TIAM1: variants seen among roughly 807,000 people sequenced by gnomAD.
The protein encoded by TIAM1 is rho guanine nucleotide exchange factor TIAM1.
TIAM1 carries 65 observed loss-of-function variants against 163.5 expected under a neutral mutation model. That is an observed-to-expected ratio of 0.40 (90% CI 0.33 to 0.49). TIAM1 has a LOEUF of 0.49. Ranked by LOEUF, TIAM1 falls within the 20% of genes least tolerant of loss-of-function variation. TIAM1 has a pLI of 0.77. For synonymous variants in TIAM1, 833 were observed against 810.1 expected, an observed-to-expected ratio of 1.03 and a Z score of -0.48; for missense variants, 1,789 against 2,044.7, an observed-to-expected ratio of 0.87 and a Z score of 2.41.
In TIAM1 at chr21:31,225,851, G is replaced by C; in HGVS notation, c.1684C>G (p.Leu562Val). ...AGTTTTTTGATCTCTGATTTCAGGA[G>C]TCGGAGCGTGTCTTCCTTGTGGTGG... ...RHHHKEDTLR[L>V]LKSEIKKLEQ... Residue 562 changes from leucine (L) to valine (V), a missense_variant, in exon 7 of 28, where the codon CTC becomes GTC. This residue lies in a region of TIAM1 where 456 missense variants were observed against 586.6 expected (regional missense o/e 0.78). Coordinates refer to ENST00000541036, the MANE Select transcript of TIAM1 (RefSeq NM_001353694.2). 1 of 1,614,192 alleles carries C rather than the reference G, an allele frequency of 6.2e-7. No homozygotes were observed. Among genetic ancestry groups the C allele is most frequent in the Non-Finnish European group, 8.5e-7 (1 of 1,180,046 alleles).
intron 1 of TIAM1, among the ~76,000 whole-genome samples, chr21:31,466,846 C>A (rs2045551983): frequency 6.6e-6 from 1 of 152,034 alleles, no homozygotes; most frequent in African/African-American, 2.4e-5. Context: ...TACCTTTGCA[C>A]ATAATGCCAT....
At chr21:31,435,401 T>A (rs560994109) in intron 2 of TIAM1, among the ~76,000 whole-genome samples, 2 of 152,236 alleles carry the variant, frequency 1.3e-5, no homozygotes, top group Non-Finnish European at 2.9e-5. Flanking sequence ...TGTCAATTGT[T>A]GTAAACAAGA....
chr21:31,558,604 G>A (rs1432386159), intron 1 of TIAM1, among the ~76,000 whole-genome samples: 1 of 152,124 alleles, frequency 6.6e-6, no homozygotes, highest in African/African-American at 2.4e-5. Context: ...CTGCCGAGAG[G>A]ACCGAATGCC....
chr21:31,208,619 C>T (rs1262468112), intron 11 of TIAM1, among the ~76,000 whole-genome samples: 1 of 152,138 alleles, frequency 6.6e-6, no homozygotes, highest in African/African-American at 2.4e-5. Flanking sequence ...TTTTAGCATC[C>T]ATGTCAGGGC....
At chr21:31,344,506 G>A (rs185877824), upstream of TIAM1, among the ~76,000 whole-genome samples, 4 of 152,226 alleles carry the variant, frequency 2.6e-5, no homozygotes, top group African/African-American at 9.6e-5. Flanking sequence ...TGCACAAAGC[G>A]TGAGTGCTTG....
intron 2 of TIAM1, among the ~76,000 whole-genome samples, chr21:31,326,044 T>C (rs1222577063): frequency 6.6e-6 from 1 of 152,194 alleles, no homozygotes; most frequent in Non-Finnish European, 1.5e-5. Flanking sequence ...CTGAGGCCTC[T>C]GCTTTTCCAC....
chr21:31,154,354 G>A lies in TIAM1; in HGVS notation c.3064C>T (p.Gln1022Ter), dbSNP rs767462126. 5 of 1,614,190 alleles carry A rather than the reference G, an allele frequency of 3.1e-6. No homozygotes were observed. Residue 1022 changes from glutamine (Q) to a stop codon, truncating the protein, a stop_gained, in exon 17 of 28, where the codon CAG becomes TAG. Transcript: ENST00000541036. LOFTEE classifies it high-confidence loss of function. ...GCCAGCTGAGGCCCCGTGGAGTCCT[G>A]AGGAGATGGGCTCTGGTCAGAGGGG... ...MNPSDQSPSP[Q>*]DSTGPQLATM...
At chr21:31,308,541 C>T (rs183815551) in intron 2 of TIAM1, among the ~76,000 whole-genome samples, 17 of 151,970 alleles carry the variant, frequency 1.1e-4, no homozygotes, top group African/African-American at 3.9e-4. Context: ...ATTCTAAATG[C>T]TTCAGTCGCC....
At chr21:31,180,669 T>C (rs1040821459) in intron 15 of TIAM1, among the ~76,000 whole-genome samples, 13 of 152,236 alleles carry the variant, frequency 8.5e-5, no homozygotes, top group East Asian at 1.9e-4. Flanking sequence ...ATATGTCTCA[T>C]TCAAAGTCAT....
At chr21:31,173,133 A>C (rs1163076848) in intron 15 of TIAM1, among the ~76,000 whole-genome samples, 2 of 152,322 alleles carry the variant, frequency 1.3e-5, no homozygotes, top group East Asian at 3.9e-4. Flanking sequence ...GGTTTCATTC[A>C]AGTCCATGTG....
At chr21:31,416,554 T>A (rs917275161) in intron 2 of TIAM1, among the ~76,000 whole-genome samples, 2 of 152,212 alleles carry the variant, frequency 1.3e-5, no homozygotes, top group Non-Finnish European at 2.9e-5. Flanking sequence ...TGCCCACTTA[T>A]AAGTGAGAAC....
chr21:31,263,135 A>C (rs2072572042), intron 4 of TIAM1, among the ~76,000 whole-genome samples: 1 of 152,160 alleles, frequency 6.6e-6, no homozygotes, highest in South Asian at 2.1e-4. Context: ...CAAGTCATTA[A>C]AGATCCTCAC....
Position 31,479,779 on chromosome 21 carries a change from T to C in TIAM1, c.-421-15744A>G, listed in dbSNP as rs192485199. ...CTACAAAGTCCTCCAAGTGGGCTGT[T>C]CCCCCATATCTCCACATTGATACAC... On this transcript the variant is annotated intron_variant, in intron 1 of 28. Transcript: ENST00000286827. 9.9e-5 allele frequency among the ~76,000 whole-genome samples: 15 copies of C among 152,132 alleles called. No homozygotes were observed. In the East Asian group the frequency reaches 2.5e-3, roughly 26 times the overall value.
At chr21:31,554,899 CCA>C (rs968830259) in intron 1 of TIAM1, among the ~76,000 whole-genome samples, 2 of 152,094 alleles carry the variant, frequency 1.3e-5, no homozygotes, top group African/African-American at 4.8e-5. Context: ...CTTCCCATGC[CCA>C]CAGTCTAGGC....
intron 13 of TIAM1, among the ~76,000 whole-genome samples, chr21:31,188,292 TTC>T (rs1175640102): frequency 6.6e-6 from 1 of 152,218 alleles, no homozygotes; most frequent in African/African-American, 2.4e-5. Context: ...CTTCATTTCA[TTC>T]TCTTATTTTA....
At position 31,195,216 on chromosome 21, in the gene TIAM1, A is replaced by T; in HGVS notation, c.2575+8T>A. The T allele has an allele frequency of 1.2e-6, 2 of 1,603,554 alleles. No individual in the cohort carries two copies. Among genetic ancestry groups the T allele is most frequent in the Non-Finnish European group, 1.7e-6 (2 of 1,172,046 alleles). ...CCTTAAAACACAAACAAAGAAAAAT[A>T]AACTTACCGTAAGTATCAGCAGCTG... On this transcript the variant is annotated splice_region_variant and intron_variant, in intron 13 of 27. Transcript: ENST00000541036.
At chr21:31,311,859 C>T (rs1470661883) in intron 2 of TIAM1, among the ~76,000 whole-genome samples, 1 of 152,182 alleles carries the variant, frequency 6.6e-6, no homozygotes, top group East Asian at 1.9e-4. Flanking sequence ...CAGACCCACC[C>T]TCAATCTGGG....
rs75909577 is a variant in TIAM1, at chr21:31,390,874, G to A, written c.-368-51452C>T. ...CTCCTTTCTTCATGCAGAAAGTGACGACTAGCTTTTCCAGGATCAAAACCA... is the reference window on the plus strand; with the variant it reads ...CTCCTTTCTTCATGCAGAAAGTGACAACTAGCTTTTCCAGGATCAAAACCA... On this transcript the variant is annotated intron_variant, in intron 2 of 28. Transcript: ENST00000286827. 3.6e-3 allele frequency among the ~76,000 whole-genome samples: 541 copies of A among 152,202 alleles called. 6 individuals are homozygous for A. Among genetic ancestry groups the A allele is most frequent in the African/African-American group, 0.012 (518 of 41,532 alleles).
chr21:31,231,088 C>G (rs148747254), intron 6 of TIAM1, among the ~76,000 whole-genome samples: 1 of 152,286 alleles, frequency 6.6e-6, no homozygotes, highest in Non-Finnish European at 1.5e-5. Flanking sequence ...CACTGCTCAA[C>G]AAAAGCCTGA....
Sources: gnomAD v4.1 joint callset for allele counts (sites outside exome capture counted in the v4.1 genomes callset) on GRCh38, gnomAD v4.1.1 for gene constraint, gnomAD v4.1.1 regional missense constraint, MANE v1.5 for transcripts, NCBI Gene and HGNC (gene_info 2026-07-23, HGNC 2026-07-21) for gene names.